UHRF1: variants seen among roughly 807,000 people sequenced by gnomAD.
UHRF1 encodes the protein E3 ubiquitin-protein ligase UHRF1.
UHRF1 carries 9 observed loss-of-function variants against 96.5 expected under a neutral mutation model. The ratio of observed to expected loss-of-function variants is 0.09; its 90% CI spans 0.06 to 0.16. The LOEUF (loss-of-function observed/expected upper bound fraction) is 0.16, where lower values mean the gene tolerates loss of function less well. UHRF1 is among the 10% of genes least tolerant of loss of function. The pLI is 1.00. For synonymous variants in UHRF1, 455 were observed against 469.9 expected (o/e 0.97, Z 0.41); for missense variants, 626 against 1,131.1 (o/e 0.55, Z 6.40).
chr19:4,949,666 A>C (rs1248249293), intron 11 of UHRF1, among the ~76,000 whole-genome samples: 3 of 152,034 alleles, frequency 2.0e-5, no homozygotes, highest in African/African-American at 7.2e-5. Flanking sequence ...AAAAATTAAA[A>C]TTACAAAAAA....
At chr19:4,933,846 C>T (rs2033134690) in intron 5 of UHRF1, among the ~76,000 whole-genome samples, 1 of 152,008 alleles carries the variant, frequency 6.6e-6, no homozygotes, top group South Asian at 2.1e-4. Flanking sequence ...GTTATAAGAG[C>T]AGAGTTGTGT....
chr19:4,913,320 C>T (rs926362009), intron 2 of UHRF1, among the ~76,000 whole-genome samples: 1 of 139,642 alleles, frequency 7.2e-6, no homozygotes, highest in African/African-American at 2.7e-5. Context: ...GTGGCTCGAT[C>T]TGGGCTCACT....
chr19:4,960,498 G>T (rs955489058), intron 16 of UHRF1, among the ~76,000 whole-genome samples, 159 bp from the exon 17 acceptor site: 7 of 152,190 alleles, frequency 4.6e-5, no homozygotes, highest in African/African-American at 1.7e-4. Flanking sequence ...GGGCCCCTAG[G>T]GGGGCCAGGC....
At chr19:4,936,060 T>C (rs995137045) in intron 5 of UHRF1, among the ~76,000 whole-genome samples, 6 of 152,130 alleles carry the variant, frequency 3.9e-5, no homozygotes, top group African/African-American at 1.4e-4. Flanking sequence ...GTGTTTGGGT[T>C]CTTCGATTCA....
rs28856675 is a variant in UHRF1 at position 4,932,085 on chromosome 19, C to T, written c.570-656C>T. On this transcript the variant is annotated intron_variant, in intron 4 of 16. Coordinates refer to ENST00000650932, the MANE Select transcript of UHRF1 (RefSeq NM_001048201.3). ...CTGGGATTACAGGCATGCGCCACCA[C>T]GCCTGGCTAATTTTGTATTTTTAGT... is the stretch of plus-strand genomic sequence containing the variant. Among the ~76,000 whole-genome samples the T allele has an allele frequency of 7.8e-3, 1,186 of 152,192 alleles. 21 individuals are homozygous for T. Among genetic ancestry groups the T allele is most frequent in the African/African-American group, 0.027 (1,118 of 41,508 alleles).
intron 2 of UHRF1, among the ~76,000 whole-genome samples, chr19:4,924,444 C>T (rs1204080388): frequency 2.6e-5 from 4 of 152,062 alleles, no homozygotes; most frequent in Admixed American, 6.6e-5. Context: ...CCACCGCACC[C>T]GGCCAATTTT....
intron 2 of UHRF1, among the ~76,000 whole-genome samples, chr19:4,911,505 T>C (rs960006324): frequency 1.3e-5 from 2 of 152,132 alleles, no homozygotes; most frequent in Non-Finnish European, 2.9e-5. Context: ...TCTAAAAATT[T>C]GGATTAGCTT....
intron 2 of UHRF1, among the ~76,000 whole-genome samples, chr19:4,918,096 C>T (rs994935568): frequency 4.0e-5 from 6 of 151,860 alleles, no homozygotes; most frequent in African/African-American, 7.3e-5. Context: ...AACATGTGTG[C>T]GTTTGCTATG....
At chr19:4,917,411 T>C (rs901957520) in intron 2 of UHRF1, among the ~76,000 whole-genome samples, 2 of 151,620 alleles carry the variant, frequency 1.3e-5, no homozygotes, top group Non-Finnish European at 2.9e-5. Flanking sequence ...ATCCCAGCAC[T>C]TTGGGAGGCT....
chr19:4,930,768 C>T lies in UHRF1; in HGVS notation c.461C>T (p.Ala154Val). ...RDTNMGAWFEAQVVRVTRKAP... is the reference protein window; with the variant it reads ...RDTNMGAWFEVQVVRVTRKAP... ...ACGAACATGGGGGCGTGGTTTGAGG[C>T]GCAGGTGGTCAGGGTGACGCGGAAG... The change falls in exon 4 of 17, where the codon GCG becomes GTG. Residue 154 changes from alanine to valine, a missense_variant. By Grantham distance (64) the Ala-to-Val change is moderately conservative. Transcript: ENST00000650932. The surrounding 1 kb of genome is among the most constrained non-coding windows in gnomAD (Gnocchi z 4.4). The T allele has an allele frequency of 1.9e-6, 3 of 1,613,928 alleles. No homozygotes were observed. Among genetic ancestry groups the T allele is most frequent in the South Asian group, 1.1e-5 (1 of 91,080 alleles).
intron 2 of UHRF1, among the ~76,000 whole-genome samples, chr19:4,916,892 G>T (rs540524234): frequency 6.6e-6 from 1 of 152,140 alleles, no homozygotes; most frequent in Non-Finnish European, 1.5e-5. Context: ...CCTCCTGATC[G>T]AGGCTTACAC....
At chr19:4,955,721 G>A (rs2033840503) in intron 15 of UHRF1, among the ~76,000 whole-genome samples, 1 of 151,926 alleles carries the variant, frequency 6.6e-6, no homozygotes, top group South Asian at 2.1e-4. Flanking sequence ...CAAGCAGGAG[G>A]AGGTGTCTTT....
intron 1 of UHRF1, 89 bp from the exon 2 acceptor site, chr19:4,910,787 G>A: frequency 6.9e-7 from 1 of 1,456,888 alleles, no homozygotes; most frequent in Non-Finnish European, 9.2e-7. Flanking sequence ...TCCACAGGCC[G>A]GACAAAAGCA....
intron 15 of UHRF1, among the ~76,000 whole-genome samples, chr19:4,955,084 C>A (rs929951949): frequency 6.6e-6 from 1 of 152,010 alleles, no homozygotes; most frequent in Admixed American, 6.6e-5. Flanking sequence ...TGCTCCCCAG[C>A]CCCTGCACCC....
At chr19:4,905,451 T>A (rs991804287), upstream of UHRF1, among the ~76,000 whole-genome samples, 2 of 149,200 alleles carry the variant, frequency 1.3e-5, no homozygotes, top group Non-Finnish European at 3.0e-5. Flanking sequence ...CATTATGAGA[T>A]TTTTTTGCAA....
Position 4,927,764 on chromosome 19 carries a change from C to T in UHRF1, c.154-1458C>T, listed in dbSNP as rs114301351. On this transcript the variant is annotated intron_variant, in intron 2 of 16. Coordinates refer to ENST00000650932, the MANE Select transcript of UHRF1 (RefSeq NM_001048201.3). Reference sequence around the variant, plus strand: ...CTCTGCAGTGCCCAGCACGGCCCCACGGTCCAGTGCCCAGAGGGGGAGACC... The same window carrying T: ...CTCTGCAGTGCCCAGCACGGCCCCATGGTCCAGTGCCCAGAGGGGGAGACC... Among the ~76,000 whole-genome samples the T allele has an allele frequency of 3.1e-4, 47 of 152,248 alleles. 1 individual carries two copies. The highest frequency in any genetic ancestry group is 1.1e-3 in the African/African-American group (45 of 41,532).
At chr19:4,939,259 G>A (rs1246439389) in intron 5 of UHRF1, among the ~76,000 whole-genome samples, 2 of 150,394 alleles carry the variant, frequency 1.3e-5, no homozygotes, top group Non-Finnish European at 3.0e-5. Context: ...GTAGCAATGG[G>A]GGTCTGGCTA....
chr19:4,936,520 A>G (rs1345421501), intron 5 of UHRF1, among the ~76,000 whole-genome samples: 1 of 152,190 alleles, frequency 6.6e-6, no homozygotes, highest in Non-Finnish European at 1.5e-5. Context: ...AGGAGCTACC[A>G]GCCTTTGCCA....
intron 7 of UHRF1, 129 bp downstream of exon 7, chr19:4,942,060 C>G: frequency 9.4e-7 from 1 of 1,059,072 alleles, no homozygotes; most frequent in Non-Finnish European, 1.3e-6. Flanking sequence ...CTTTGGGAGG[C>G]CGAGGCGGGA....
Sources: gnomAD v4.1 joint callset for allele counts (sites outside exome capture counted in the v4.1 genomes callset) on GRCh38, gnomAD v4.1.1 for gene constraint, Gnocchi (gnomAD v3.1) non-coding constraint, MANE v1.5 for transcripts, NCBI Gene and HGNC (gene_info 2026-07-23, HGNC 2026-07-21) for gene names.